PRR5: variants seen among roughly 807,000 people sequenced by gnomAD.
PRR5 encodes proline rich 5.
In PRR5, 25 loss-of-function variants were observed where a neutral mutation model predicts 30.6. The observed-to-expected ratio is 0.82, with a 90% CI of 0.60 to 1.14. The LOEUF (loss-of-function observed/expected upper bound fraction) is 1.14, where lower values mean the gene tolerates loss of function less well. Ranked by LOEUF, PRR5 falls within the 50% of genes most tolerant of loss-of-function variation. PRR5 has a pLI of 0.00. For synonymous variants in PRR5, 286 were observed against 247.1 expected (o/e 1.16, Z -1.48); for missense variants, 600 against 547.1 (o/e 1.10, Z -0.96).
chr22:44,711,092 G>A (rs763517833), intron 1 of PRR5, among the ~76,000 whole-genome samples: 5 of 152,168 alleles, frequency 3.3e-5, no homozygotes, highest in Admixed American at 1.3e-4. Flanking sequence ...CACCCAGGGC[G>A]AGGAGCCCAG....
chr22:44,730,515 G>A, intron 4 of PRR5: 3 of 990,104 alleles, frequency 3.0e-6, no homozygotes, highest in Non-Finnish European at 3.6e-6. Flanking sequence ...GTCCCACAAG[G>A]GTCACTCACC....
intron 1 of PRR5, among the ~76,000 whole-genome samples, chr22:44,685,081 G>A (rs1048212903): frequency 1.3e-5 from 2 of 152,174 alleles, no homozygotes; most frequent in African/African-American, 4.8e-5. Flanking sequence ...CCTACAACCC[G>A]GGCAAGTCAG....
chr22:44,729,738 G>C (rs900280549), intron 4 of PRR5: 8 of 985,348 alleles, frequency 8.1e-6, no homozygotes, highest in Non-Finnish European at 9.6e-6. Context: ...TCTCGTCACC[G>C]TGTGGCTCCA....
intron 1 of PRR5, among the ~76,000 whole-genome samples, chr22:44,712,546 C>A (rs1450361641): frequency 1.3e-5 from 2 of 152,200 alleles, no homozygotes; most frequent in African/African-American, 4.8e-5. Context: ...GCACAGGGGC[C>A]CAAGATGCTG....
In PRR5 at chr22:44,726,381, C is replaced by T. The variant is rs151298868; in HGVS notation, c.265-196C>T. Among the ~76,000 whole-genome samples the T allele has an allele frequency of 4.3e-3, 653 of 152,306 alleles. 4 individuals carry two copies. The highest frequency in any genetic ancestry group is 7.2e-3 in the Non-Finnish European group (490 of 68,024). ...GACCACCTCCTGTCTCGTGACAACC[C>T]GGGGTTGGGTCAGTTACCCTCCTGG... On this transcript the variant is annotated intron_variant, in intron 3 of 7. Transcript: ENST00000336985.
chr22:44,725,767 C>T (rs1219613400), intron 3 of PRR5, among the ~76,000 whole-genome samples: 2 of 152,118 alleles, frequency 1.3e-5, no homozygotes, highest in Non-Finnish European at 2.9e-5. Flanking sequence ...CGGGTTCAAG[C>T]GATTCCCCTG....
At chr22:44,725,754 T>C (rs1248112622) in intron 3 of PRR5, among the ~76,000 whole-genome samples, 1 of 152,168 alleles carries the variant, frequency 6.6e-6, no homozygotes, top group Non-Finnish European at 1.5e-5. Context: ...AACCTCTGCC[T>C]CCCGGGTTCA....
chr22:44,732,253 C>T lies in PRR5; in HGVS notation c.417C>T (p.Gly139=), dbSNP rs773281587. 1 of 1,611,374 alleles carries T rather than the reference C, an allele frequency of 6.2e-7. No homozygotes were observed. Among genetic ancestry groups the T allele is most frequent in the Non-Finnish European group, 8.5e-7 (1 of 1,179,812 alleles). ...MLQAIFYPVQ[G]KEPSVRQLAL... ...GGTGGGGTGCCTTCCGTCCACAGGG[C>T]AAGGAGCCATCGGTGCGCCAGCTGG... The change falls in exon 6 of 8, where the codon GGC becomes GGT. Residue 139 remains glycine, a splice_region_variant and synonymous_variant. Transcript: ENST00000336985.
intron 2 of PRR5, among the ~76,000 whole-genome samples, chr22:44,717,431 A>T (rs1016681751): frequency 6.6e-6 from 1 of 151,944 alleles, no homozygotes; most frequent in South Asian, 2.1e-4. Context: ...ACCTCAGATG[A>T]TCCACCCGTC....
At chr22:44,730,379 T>C (rs974013690) in intron 4 of PRR5, 21 of 984,832 alleles carry the variant, frequency 2.1e-5, no homozygotes, top group African/African-American at 3.5e-5. Flanking sequence ...GGACACGTCC[T>C]TGGACTGTGC....
At chr22:44,676,550 C>G (rs961558720), upstream of PRR5, among the ~76,000 whole-genome samples, 2 of 152,050 alleles carry the variant, frequency 1.3e-5, no homozygotes, top group African/African-American at 4.8e-5. Context: ...GCGGCAATGG[C>G]CCTGGGCCAG....
intron 4 of PRR5, chr22:44,731,233 T>TC: frequency 9.0e-6 from 2 of 222,606 alleles, no homozygotes; most frequent in South Asian, 6.1e-5. Flanking sequence ...TGTACCTGTG[T>TC]GGGTCTTACC....
intron 1 of PRR5, among the ~76,000 whole-genome samples, chr22:44,711,884 G>T (rs1928294292): frequency 1.3e-5 from 2 of 152,228 alleles, no homozygotes; most frequent in African/African-American, 4.8e-5. Flanking sequence ...CTGCCACAGG[G>T]CTGGGAGGGT....
At chr22:44,690,081 C>T (rs1276882542) in intron 1 of PRR5, among the ~76,000 whole-genome samples, 1 of 152,042 alleles carries the variant, frequency 6.6e-6, no homozygotes, top group Non-Finnish European at 1.5e-5. Flanking sequence ...AGGAGGGAAG[C>T]GGCACCTGAG....
chr22:44,730,613 C>T (rs918476052), intron 4 of PRR5: 6 of 996,806 alleles, frequency 6.0e-6, no homozygotes, highest in Non-Finnish European at 6.0e-6. Context: ...GTTTCAGAGA[C>T]TCACCTGTCA....
chr22:44,706,842 A>G (rs1927281153), intron 1 of PRR5, among the ~76,000 whole-genome samples: 2 of 141,532 alleles, frequency 1.4e-5, no homozygotes, highest in Admixed American at 7.7e-5. Context: ...GAATGTTTGT[A>G]AGGGAGCTAT....
intron 6 of PRR5, chr22:44,734,221 A>C (rs913442139): frequency 2.6e-5 from 4 of 152,296 alleles, no homozygotes; most frequent in Admixed American, 2.6e-4. Context: ...GCAGTGAGCC[A>C]AGATCGCACC....
intron 5 of PRR5, 124 bp downstream of exon 5, chr22:44,731,945 C>T: frequency 9.5e-7 from 1 of 1,055,798 alleles, no homozygotes; most frequent in Non-Finnish European, 1.4e-6. Flanking sequence ...GTGCTGCTCT[C>T]CTTGGGCTAC....
chr22:44,735,558 C>G (rs1303711088), intron 7 of PRR5, among the ~76,000 whole-genome samples: 3 of 152,234 alleles, frequency 2.0e-5, no homozygotes, highest in Non-Finnish European at 4.4e-5. Context: ...AGGCTGAGCC[C>G]TGTGGGCAGC....
Sources: gnomAD v4.1 joint callset for allele counts (sites outside exome capture counted in the v4.1 genomes callset) on GRCh38, gnomAD v4.1.1 for gene constraint, MANE v1.5 for transcripts, NCBI Gene and HGNC (gene_info 2026-07-23, HGNC 2026-07-21) for gene names.